The following ARSB variants were observed in gnomAD, a reference collection of about 807,000 sequenced individuals.
ARSB encodes the protein arylsulfatase B.
Under a neutral mutation model 50.9 loss-of-function variants are expected in ARSB, and 41 were observed. The observed-to-expected ratio is 0.81, with a 90% CI of 0.63 to 1.04. The LOEUF is 1.04. Among genes scored for constraint, ARSB ranks in the 50% least tolerant of loss-of-function variants. The pLI is 0.00. For synonymous variants in ARSB, 269 were observed against 284.8 expected, an observed-to-expected ratio of 0.94 and a Z score of 0.56; for missense variants, 672 against 693.3, an observed-to-expected ratio of 0.97 and a Z score of 0.35.
intron 6 of ARSB, among the ~76,000 whole-genome samples, chr5:78,834,789 G>C (rs34450984): frequency 0.23 from 34,088 of 150,786 alleles, 4,191 homozygotes; most frequent in Non-Finnish European, 0.27. Flanking sequence ...AATTCTTTTA[G>C]GTATATACTC....
At chr5:78,824,813 A>T (rs1235684641) in intron 6 of ARSB, among the ~76,000 whole-genome samples, 1 of 152,202 alleles carries the variant, frequency 6.6e-6, no homozygotes, top group Non-Finnish European at 1.5e-5. Flanking sequence ...CAATGCCAAG[A>T]TTATTGTCCT....
intron 4 of ARSB, among the ~76,000 whole-genome samples, chr5:78,900,741 C>T (rs570531152): frequency 2.7e-4 from 41 of 152,100 alleles, no homozygotes; most frequent in African/African-American, 8.0e-4. Context: ...TCTTCCTTCA[C>T]CTTCAAAGTC....
At chr5:78,943,271 C>T (rs1384340213) in intron 4 of ARSB, among the ~76,000 whole-genome samples, 1 of 152,118 alleles carries the variant, frequency 6.6e-6, no homozygotes, top group African/African-American at 2.4e-5. Flanking sequence ...GAGCATTTAG[C>T]CCATTTACAT....
At chr5:78,984,814 T>G in intron 1 of ARSB, 123 bp downstream of exon 1, 1 of 766,742 alleles carries the variant, frequency 1.3e-6, no homozygotes, top group Non-Finnish European at 1.7e-6. Flanking sequence ...CCGGGACCCA[T>G]AACTGGGTCG....
At chr5:78,898,653 G>T (rs750124250) in intron 4 of ARSB, among the ~76,000 whole-genome samples, 2 of 152,212 alleles carry the variant, frequency 1.3e-5, no homozygotes, top group Non-Finnish European at 2.9e-5. Context: ...GCTGAGGCCT[G>T]TACAAGTCTG....
Position 78,970,697 on chromosome 5 carries a change from C to T in ARSB, c.313-1505G>A, listed in dbSNP as rs59766058. On this transcript the variant is annotated intron_variant, in intron 1 of 7. Coordinates refer to ENST00000264914, the MANE Select transcript of ARSB (RefSeq NM_000046.5). ...GGCCAGGCGGGGTGGCTTATCCCTA[C>T]AATCCCAACACTTTGGGAGGCTAAG... Among the ~76,000 whole-genome samples the T allele has an allele frequency of 8.2e-3, 1,249 of 152,264 alleles. 17 individuals are homozygous for T. The highest frequency in any genetic ancestry group is 0.029 in the African/African-American group (1,195 of 41,542).
At chr5:78,920,557 G>C (rs987800066) in intron 4 of ARSB, among the ~76,000 whole-genome samples, 1 of 152,104 alleles carries the variant, frequency 6.6e-6, no homozygotes, top group African/African-American at 2.4e-5. Context: ...GCTAGCCACA[G>C]GCCATACCTG....
intron 4 of ARSB, among the ~76,000 whole-genome samples, chr5:78,934,616 C>A (rs912253695): frequency 7.2e-5 from 11 of 151,892 alleles, no homozygotes; most frequent in Admixed American, 5.3e-4. Flanking sequence ...ATGGTGAAAC[C>A]CTGTCTCTAC....
At chr5:78,963,068 T>G (rs1311458419) in intron 3 of ARSB, among the ~76,000 whole-genome samples, 2 of 152,238 alleles carry the variant, frequency 1.3e-5, no homozygotes, top group Non-Finnish European at 1.5e-5. Flanking sequence ...GCTGTCTGGG[T>G]CATGGAGGTG....
At chr5:78,841,165 C>CTAATAATAATAATAATAATAATAA (rs760097028) in intron 5 of ARSB, among the ~76,000 whole-genome samples, 2,027 of 98,016 alleles carry the variant, frequency 0.021, 24 homozygotes, top group Middle Eastern at 0.058. Context: ...ACTACTACTA[C>CTAATAATAATAATAATAATAATAA]TACTAATAAT....
intron 4 of ARSB, among the ~76,000 whole-genome samples, chr5:78,944,617 C>T (rs1751124065): frequency 6.6e-6 from 1 of 152,218 alleles, no homozygotes; most frequent in Admixed American, 6.5e-5. Context: ...GCAAATGTTG[C>T]TGCATGATCA....
Position 78,780,670 on chromosome 5 carries a change from A to G in ARSB, c.1337-8T>C. 6.2e-7 allele frequency: 1 copy of G among 1,614,048 alleles called. No homozygotes were observed. Among genetic ancestry groups the G allele is most frequent in the Non-Finnish European group, 8.5e-7 (1 of 1,179,980 alleles). On this transcript the variant is annotated splice_polypyrimidine_tract_variant and splice_region_variant and intron_variant, in intron 7 of 7. Coordinates refer to ENST00000264914, the MANE Select transcript of ARSB (RefSeq NM_000046.5). ...GGAACCAGTAACCACAGCCTAGCAA[A>G]GAAAACAAAACAGTTTACTGAGGGA...
intron 5 of ARSB, among the ~76,000 whole-genome samples, chr5:78,852,057 T>C (rs1448790344): frequency 6.6e-6 from 1 of 152,256 alleles, no homozygotes; most frequent in Non-Finnish European, 1.5e-5. Context: ...TTAGCCCATT[T>C]ACATTTAAAG....
intron 4 of ARSB, among the ~76,000 whole-genome samples, chr5:78,936,975 C>T (rs141231846): frequency 4.4e-4 from 67 of 152,234 alleles, no homozygotes; most frequent in Non-Finnish European, 6.9e-4. Flanking sequence ...GCTCCTTCTT[C>T]TTGCTGTCAC....
rs931960275 is a variant in ARSB, at chr5:78,780,154, G to A, written c.*243C>T. Reference sequence around the variant, plus strand: ...AAGTTCCCAGCTGTCCCAAGGCTTAGGAAAGGGGGATAAACCCAGCCACCC... The same window carrying A: ...AAGTTCCCAGCTGTCCCAAGGCTTAAGAAAGGGGGATAAACCCAGCCACCC... On this transcript the variant is annotated 3_prime_UTR_variant, in exon 8 of 8. Transcript: ENST00000264914. 30 of 529,816 alleles carry A rather than the reference G, an allele frequency of 5.7e-5. No homozygotes were observed. Among genetic ancestry groups the A allele is most frequent in the Non-Finnish European group, 1.0e-4 (30 of 294,758 alleles). 32.8% of individuals were successfully genotyped at this position (529,816 alleles called of 1,614,324 possible).
chr5:78,972,169 G>C (rs1011120424), intron 1 of ARSB, among the ~76,000 whole-genome samples: 1 of 152,136 alleles, frequency 6.6e-6, no homozygotes, highest in African/African-American at 2.4e-5. Flanking sequence ...AGAGTGCATG[G>C]CCTCACCTGA....
intron 4 of ARSB, among the ~76,000 whole-genome samples, chr5:78,933,949 C>T (rs1220845826): frequency 6.6e-6 from 1 of 152,158 alleles, no homozygotes; most frequent in Non-Finnish European, 1.5e-5. Context: ...AGATTCAAAA[C>T]ATGAGGAGGA....
At chr5:78,848,613 A>G (rs1027276394) in intron 5 of ARSB, among the ~76,000 whole-genome samples, 2 of 146,496 alleles carry the variant, frequency 1.4e-5, no homozygotes, top group African/African-American at 5.5e-5. Context: ...TGGTATTTCT[A>G]GTCTAGTTCT....
At chr5:78,793,227 C>T (rs1743038880) in intron 6 of ARSB, among the ~76,000 whole-genome samples, 1 of 152,134 alleles carries the variant, frequency 6.6e-6, no homozygotes, top group Admixed American at 6.5e-5. Context: ...ACCAGGTAGC[C>T]CATGTCATGG....
Sources: gnomAD v4.1 joint callset for allele counts (sites outside exome capture counted in the v4.1 genomes callset) on GRCh38, gnomAD v4.1.1 for gene constraint, MANE v1.5 for transcripts, NCBI Gene and HGNC (gene_info 2026-07-23, HGNC 2026-07-21) for gene names.